The following LAPTM4B variants were observed in gnomAD, a reference collection of about 807,000 sequenced individuals.
The protein encoded by LAPTM4B is lysosomal protein transmembrane 4 beta, also known as lysosomal-associated transmembrane protein 4B.
LAPTM4B carries 26 observed loss-of-function variants against 28.5 expected under a neutral mutation model. The ratio of observed to expected loss-of-function variants is 0.91; its 90% confidence interval spans 0.67 to 1.27. LAPTM4B has a LOEUF of 1.27. LAPTM4B is among the 50% of genes most tolerant of loss of function. LAPTM4B has a pLI of 0.00. For synonymous variants in LAPTM4B, 109 were observed against 106.4 expected, an observed-to-expected ratio of 1.02 and a Z score of -0.15; for missense variants, 288 against 285.8, an observed-to-expected ratio of 1.01 and a Z score of -0.06.
At chr8:97,842,380 C>A (rs1172307187) in intron 6 of LAPTM4B, among the ~76,000 whole-genome samples, 1 of 152,148 alleles carries the variant, frequency 6.6e-6, no homozygotes, top group Non-Finnish European at 1.5e-5. Flanking sequence ...GTTTTCTAGG[C>A]AACTGTAGGA....
chr8:97,846,826 T>C (rs1229691727), intron 6 of LAPTM4B, among the ~76,000 whole-genome samples: 2 of 152,188 alleles, frequency 1.3e-5, no homozygotes, highest in Non-Finnish European at 2.9e-5. Context: ...TCCCAGACTG[T>C]TGGGATTATA....
chr8:97,827,462 A>C (rs1384477057), intron 6 of LAPTM4B, among the ~76,000 whole-genome samples: 2 of 152,206 alleles, frequency 1.3e-5, no homozygotes, highest in Non-Finnish European at 2.9e-5. Flanking sequence ...GAATCTCTTC[A>C]TCTGTATCCC....
Position 97,801,750 on chromosome 8 carries a change from G to A in LAPTM4B, c.100-3603G>A, listed in dbSNP as rs113633184. Among the ~76,000 whole-genome samples the A allele has an allele frequency of 1.7e-4, 26 of 151,878 alleles. 1 individual carries two copies. Among genetic ancestry groups the A allele is most frequent in the African/African-American group, 5.3e-4 (22 of 41,386 alleles). The stretch of plus-strand genomic sequence containing the variant: ...CGCAGCTACAGGCTCCTACTGAGGC[G>A]GGAGAATCACTTGAACCTGGGTGGT... On this transcript the variant is annotated intron_variant, in intron 1 of 6. Transcript: ENST00000521545.
At chr8:97,847,158 C>T (rs1447258504) in intron 6 of LAPTM4B, among the ~76,000 whole-genome samples, 1 of 152,162 alleles carries the variant, frequency 6.6e-6, no homozygotes, top group African/African-American at 2.4e-5. Flanking sequence ...CTTCTGAGGT[C>T]ATTAGCAAGA....
chr8:97,848,484 G>GA (rs144538894), intron 6 of LAPTM4B, among the ~76,000 whole-genome samples: 6,071 of 149,160 alleles, frequency 0.041, 393 homozygotes, highest in African/African-American at 0.14. Context: ...GTTTTGCCTA[G>GA]AAAAAAAAAT....
chr8:97,779,912 G>A (rs915253458), intron 1 of LAPTM4B, among the ~76,000 whole-genome samples: 13 of 151,704 alleles, frequency 8.6e-5, no homozygotes, highest in East Asian at 7.7e-4. Context: ...TTAGTCGGGC[G>A]CAGTGGCAGG....
chr8:97,831,338 C>G (rs1246745271), intron 6 of LAPTM4B, among the ~76,000 whole-genome samples: 1 of 152,098 alleles, frequency 6.6e-6, no homozygotes, highest in Non-Finnish European at 1.5e-5. Flanking sequence ...AGGTATCAAC[C>G]CAGACTAGGA....
chr8:97,830,461 A>C (rs189973758), intron 6 of LAPTM4B, among the ~76,000 whole-genome samples: 72 of 152,358 alleles, frequency 4.7e-4, no homozygotes, highest in African/African-American at 1.6e-3. Flanking sequence ...CAGGGCATTT[A>C]GAAGTAGGCA....
At chr8:97,780,901 G>A (rs891159804) in intron 1 of LAPTM4B, among the ~76,000 whole-genome samples, 1 of 151,746 alleles carries the variant, frequency 6.6e-6, no homozygotes, top group South Asian at 2.1e-4. Flanking sequence ...TCTGGGCCAC[G>A]CTAACTTTGG....
At chr8:97,787,003 G>T (rs1012471697) in intron 1 of LAPTM4B, among the ~76,000 whole-genome samples, 1 of 152,044 alleles carries the variant, frequency 6.6e-6, no homozygotes, top group African/African-American at 2.4e-5. Context: ...CCCAGGCTGG[G>T]GGGTGGGGGT....
At chr8:97,845,908 C>G (rs1306398457) in intron 6 of LAPTM4B, among the ~76,000 whole-genome samples, 2 of 106,116 alleles carry the variant, frequency 1.9e-5, no homozygotes, top group Non-Finnish European at 4.1e-5. Flanking sequence ...CCTCCCCTTC[C>G]CTTCGACAGG....
chr8:97,818,199 GA>G (rs1403146360), intron 4 of LAPTM4B, among the ~76,000 whole-genome samples: 4 of 152,240 alleles, frequency 2.6e-5, no homozygotes, highest in Non-Finnish European at 4.4e-5. Flanking sequence ...TGTCCCAAGT[GA>G]AAGGAGACTG....
At chr8:97,821,412 C>G (rs1476930995) in intron 5 of LAPTM4B, among the ~76,000 whole-genome samples, 1 of 152,032 alleles carries the variant, frequency 6.6e-6, no homozygotes, top group Admixed American at 6.6e-5. Context: ...AGGAATGAGA[C>G]AAGACAAGAG....
At chr8:97,843,295 T>C (rs977076647) in intron 6 of LAPTM4B, among the ~76,000 whole-genome samples, 1 of 151,576 alleles carries the variant, frequency 6.6e-6, no homozygotes, top group African/African-American at 2.4e-5. Context: ...GCTATGGTGG[T>C]GTGTGCCTGT....
intron 1 of LAPTM4B, among the ~76,000 whole-genome samples, chr8:97,793,992 T>C (rs984757448): frequency 6.6e-6 from 1 of 151,486 alleles, no homozygotes; most frequent in Non-Finnish European, 1.5e-5. Flanking sequence ...TTGTTTTTTG[T>C]TTTTTTTGAC....
chr8:97,813,976 G>T (rs74826313), intron 2 of LAPTM4B, among the ~76,000 whole-genome samples: 1 of 152,062 alleles, frequency 6.6e-6, no homozygotes, highest in Non-Finnish European at 1.5e-5. Context: ...TATTGAGTAG[G>T]TATAAAAGAA....
At chr8:97,798,472 G>GCTTA (rs1411175845) in intron 1 of LAPTM4B, among the ~76,000 whole-genome samples, 17 of 152,162 alleles carry the variant, frequency 1.1e-4, no homozygotes, top group African/African-American at 4.1e-4. Context: ...TGTGTAATGA[G>GCTTA]CTTACCTGTC....
In LAPTM4B at chr8:97,836,477, G is replaced by C. The variant is rs373029869; in HGVS notation, c.603+11324G>C. ...ATTACAGGCGCGAGCTACTGTGCCC[G>C]GCCATAAATTAAGGTTTTAAAAAGT... On this transcript the variant is annotated intron_variant, in intron 6 of 6. Transcript: ENST00000521545. Among the ~76,000 whole-genome samples, 9 of 152,180 alleles carry C rather than the reference G, an allele frequency of 5.9e-5. No homozygotes were observed. In the East Asian group the frequency reaches 9.7e-4, roughly 16 times the overall value.
intron 5 of LAPTM4B, among the ~76,000 whole-genome samples, chr8:97,823,344 GTTTT>G (rs10561869): frequency 6.9e-4 from 75 of 109,342 alleles, no homozygotes; most frequent in African/African-American, 2.1e-3. Flanking sequence ...ATACAATATG[GTTTT>G]TTTTTTTGTT....
Sources: gnomAD v4.1 joint callset for allele counts (sites outside exome capture counted in the v4.1 genomes callset) on GRCh38, gnomAD v4.1.1 for gene constraint, MANE v1.5 for transcripts, NCBI Gene and HGNC (gene_info 2026-07-23, HGNC 2026-07-21) for gene names.